The following SOX6 variants were observed in gnomAD, a reference collection of about 807,000 sequenced individuals.
The protein encoded by SOX6 is SRY-box transcription factor 6.
A neutral mutation model predicts 97.8 loss-of-function variants in SOX6; 11 were observed. The observed-to-expected ratio is 0.11, with a 90% CI of 0.07 to 0.19. The LOEUF is 0.19. Among genes scored for constraint, SOX6 ranks in the 10% least tolerant of loss-of-function variants. SOX6 has a pLI of 1.00. For missense variants in SOX6, 810 were observed against 1,039.5 expected, an observed-to-expected ratio of 0.78 and a Z score of 3.04; for synonymous variants, 360 against 371.4, an observed-to-expected ratio of 0.97 and a Z score of 0.35.
chr11:16,589,900 A>G (rs1045402917), intron 4 of SOX6, among the ~76,000 whole-genome samples: 5 of 152,222 alleles, frequency 3.3e-5, no homozygotes, highest in African/African-American at 1.2e-4. Context: ...ATAAAGTTAA[A>G]TGTTGTGAAA....
chr11:16,350,907 G>T (rs1409305327), intron 1 of SOX6, among the ~76,000 whole-genome samples: 1 of 152,002 alleles, frequency 6.6e-6, no homozygotes, highest in Non-Finnish European at 1.5e-5. Context: ...AGGCAGAGAG[G>T]GAGAGATAGG....
chr11:16,040,188 A>T (rs1855622798), intron 12 of SOX6, among the ~76,000 whole-genome samples: 1 of 152,064 alleles, frequency 6.6e-6, no homozygotes, highest in South Asian at 2.1e-4. Flanking sequence ...AAGGCTTTAT[A>T]TTTATTCCTA....
intron 6 of SOX6, among the ~76,000 whole-genome samples, chr11:16,181,770 C>A (rs1851354533): frequency 6.6e-6 from 1 of 151,588 alleles, no homozygotes; most frequent in African/African-American, 2.4e-5. Flanking sequence ...GGTCTTATTG[C>A]TTTCTCTTAT....
intron 12 of SOX6, among the ~76,000 whole-genome samples, chr11:16,016,774 T>G (rs188494303): frequency 1.4e-3 from 206 of 152,208 alleles, no homozygotes; most frequent in African/African-American, 4.8e-3. Flanking sequence ...ATCACATTGT[T>G]TCGCATTTCA....
At chr11:16,511,363 A>G (rs143678415) in intron 4 of SOX6, among the ~76,000 whole-genome samples, 1 of 152,276 alleles carries the variant, frequency 6.6e-6, no homozygotes, top group East Asian at 1.9e-4. Flanking sequence ...TTAGCAAAAT[A>G]TTGACTTAGC....
At chr11:16,113,886 G>A (rs1454986472) in intron 6 of SOX6, among the ~76,000 whole-genome samples, 3 of 152,128 alleles carry the variant, frequency 2.0e-5, no homozygotes, top group African/African-American at 7.2e-5. Flanking sequence ...AATAATGTAT[G>A]GAAGAAGGAT....
intron 12 of SOX6, among the ~76,000 whole-genome samples, chr11:16,040,550 G>A (rs548832695): frequency 4.0e-5 from 6 of 151,792 alleles, no homozygotes; most frequent in South Asian, 2.1e-4. Flanking sequence ...AAACACTATC[G>A]CAAGTATAAA....
intron 4 of SOX6, among the ~76,000 whole-genome samples, chr11:16,544,303 A>C (rs549409578): frequency 6.6e-6 from 1 of 152,250 alleles, no homozygotes; most frequent in South Asian, 2.1e-4. Context: ...TCTGTCTCCC[A>C]GGCTAGAGCG....
At chr11:16,602,447 T>C (rs1848281806) in intron 4 of SOX6, among the ~76,000 whole-genome samples, 1 of 152,146 alleles carries the variant, frequency 6.6e-6, no homozygotes. Context: ...TTTTGGTTGT[T>C]TGCTTTTTTT....
At chr11:16,381,392 A>G (rs1182739726) in intron 1 of SOX6, among the ~76,000 whole-genome samples, 1 of 152,044 alleles carries the variant, frequency 6.6e-6, no homozygotes, top group Non-Finnish European at 1.5e-5. Context: ...GAGCATCAAC[A>G]AATTCTTTAT....
At chr11:16,194,868 G>A (rs887148885) in intron 4 of SOX6, among the ~76,000 whole-genome samples, 2 of 152,176 alleles carry the variant, frequency 1.3e-5, no homozygotes, top group Admixed American at 1.3e-4. Flanking sequence ...ATCTGGAAAC[G>A]AAGGTATTCT....
chr11:16,635,846 TTGGAAGCTTCCACA>T (rs1224158878), intron 3 of SOX6, among the ~76,000 whole-genome samples: 1 of 152,206 alleles, frequency 6.6e-6, no homozygotes, highest in Non-Finnish European at 1.5e-5. Flanking sequence ...GCCCCAAGCC[TTGGAAGCTTCCACA>T]TGGTGTTGGT....
intron 1 of SOX6, among the ~76,000 whole-genome samples, chr11:16,461,448 C>T (rs1430490104): frequency 6.6e-6 from 1 of 152,092 alleles, no homozygotes; most frequent in East Asian, 1.9e-4. Flanking sequence ...TTAGCTTAGC[C>T]TTATGGATCA....
chr11:16,629,697 G>A (rs1437021804), intron 3 of SOX6, among the ~76,000 whole-genome samples: 2 of 152,102 alleles, frequency 1.3e-5, no homozygotes, highest in African/African-American at 4.8e-5. Context: ...GCATCTAGTA[G>A]AATTTAGCTG....
At chr11:16,692,431 T>A (rs1848023083) in intron 3 of SOX6, among the ~76,000 whole-genome samples, 1 of 152,018 alleles carries the variant, frequency 6.6e-6, no homozygotes, top group African/African-American at 2.4e-5. Flanking sequence ...CCCAAACCCC[T>A]CCTCAATGCA....
intron 2 of SOX6, among the ~76,000 whole-genome samples, chr11:16,319,359 CT>C (rs1332609272): frequency 1.3e-5 from 2 of 152,050 alleles, no homozygotes; most frequent in South Asian, 2.1e-4. Context: ...TTAAAAATGT[CT>C]TTTTTTAGTT....
chr11:16,023,130 C>T (rs1289844671), intron 12 of SOX6: 1 of 152,150 alleles, frequency 6.6e-6, no homozygotes, highest in Admixed American at 6.6e-5. Context: ...TGACTTCCTT[C>T]CACCAGCCCT....
intron 6 of SOX6, among the ~76,000 whole-genome samples, chr11:16,143,470 CATA>C (rs1420740338): frequency 1.3e-5 from 2 of 152,150 alleles, no homozygotes; most frequent in Non-Finnish European, 2.9e-5. Flanking sequence ...CAGCTAACAT[CATA>C]ATGACAGGAT....
At chr11:16,510,391 T>A (rs1860860488) in intron 4 of SOX6, among the ~76,000 whole-genome samples, 1 of 152,076 alleles carries the variant, frequency 6.6e-6, no homozygotes, top group Admixed American at 6.6e-5. Flanking sequence ...TAATTCAGCA[T>A]CTGATCCTGG....
Sources: allele counts gnomAD v4.1 joint callset (sites outside exome capture counted in the v4.1 genomes callset), GRCh38; gene constraint gnomAD v4.1.1; transcripts MANE v1.5; gene names NCBI Gene and HGNC (gene_info 2026-07-23, HGNC 2026-07-21).